The following TGFB2 variants were observed in gnomAD, a reference collection of about 807,000 sequenced individuals.
TGFB2 encodes transforming growth factor beta-2 proprotein.
A neutral mutation model predicts 42.7 loss-of-function variants in TGFB2; 13 were observed. That is an observed-to-expected ratio of 0.30 (90% CI 0.20 to 0.48). TGFB2 has a LOEUF of 0.48. TGFB2 is among the 20% of genes least tolerant of loss of function. The pLI is 0.99. For synonymous variants in TGFB2, 193 were observed against 193.6 expected (o/e 1.00, Z 0.03); for missense variants, 390 against 517.5 (o/e 0.75, Z 2.39).
intron 2 of TGFB2, among the ~76,000 whole-genome samples, chr1:218,431,797 T>C (rs1659814789): frequency 6.6e-6 from 1 of 152,214 alleles, no homozygotes; most frequent in Non-Finnish European, 1.5e-5. Flanking sequence ...TCAACCATTG[T>C]TTTTCTTATT....
At chr1:218,401,577 G>C (rs1174027040) in intron 1 of TGFB2, among the ~76,000 whole-genome samples, 3 of 152,150 alleles carry the variant, frequency 2.0e-5, no homozygotes, top group Non-Finnish European at 2.9e-5. Context: ...AGAAGGAGCG[G>C]GCCAGGATGT....
rs1331585148 is a variant in TGFB2 at position 218,345,762 on chromosome 1, C to G, written c.-940C>G. ...CCGCAGGGGGTGAACGCAACCGCGA[C>G]GGCTGATCGTCTGTGGCTGGGTTGG... On this transcript the variant is annotated 5_prime_UTR_variant, in exon 1 of 7. Coordinates refer to ENST00000366930, the MANE Select transcript of TGFB2 (RefSeq NM_003238.6). The G allele has an allele frequency of 6.6e-6, 1 of 152,378 alleles. No homozygotes were observed. The highest frequency in any genetic ancestry group is 1.5e-5 in the Non-Finnish European group (1 of 68,228). The allele number at this position is 152,378 out of a possible 1,614,324, so 9.4% of individuals were successfully genotyped here.
At chr1:218,426,679 C>T (rs1659635096) in intron 2 of TGFB2, among the ~76,000 whole-genome samples, 1 of 152,078 alleles carries the variant, frequency 6.6e-6, no homozygotes, top group Admixed American at 6.6e-5. Context: ...CTAATTCAAT[C>T]AGAAACAGTT....
chr1:218,349,921 G>A (rs1418554), intron 1 of TGFB2, among the ~76,000 whole-genome samples: 5,155 of 152,234 alleles, frequency 0.034, 285 homozygotes, highest in African/African-American at 0.12. Flanking sequence ...ATTTAAAGAA[G>A]GGGTCTGATT....
At chr1:218,435,246 T>C (rs1659934032) in intron 4 of TGFB2, among the ~76,000 whole-genome samples, 1 of 152,140 alleles carries the variant, frequency 6.6e-6, no homozygotes, top group Non-Finnish European at 1.5e-5. Flanking sequence ...CCCTTGCTCA[T>C]GGAAAAATAC....
At chr1:218,360,821 G>C (rs1657184444) in intron 1 of TGFB2, among the ~76,000 whole-genome samples, 1 of 152,152 alleles carries the variant, frequency 6.6e-6, no homozygotes, top group African/African-American at 2.4e-5. Flanking sequence ...CCATACCTCA[G>C]TGCTGCTTCA....
intron 2 of TGFB2, among the ~76,000 whole-genome samples, chr1:218,415,408 G>A (rs968472334): frequency 1.3e-5 from 2 of 152,076 alleles, no homozygotes; most frequent in Non-Finnish European, 2.9e-5. Context: ...AGTTGCAGAT[G>A]AGCAGGCCGG....
chr1:218,433,632 A>G (rs1056526857), intron 2 of TGFB2, among the ~76,000 whole-genome samples: 1 of 152,246 alleles, frequency 6.6e-6, no homozygotes, highest in Non-Finnish European at 1.5e-5. Flanking sequence ...AAGGAGATTT[A>G]TAATTCAGGG....
chr1:218,441,269 T>G lies in TGFB2; in HGVS notation c.1152T>G (p.Asp384Glu). 6.2e-7 allele frequency: 1 copy of G among 1,613,958 alleles called. No individual in the cohort carries two copies. Among genetic ancestry groups the G allele is most frequent in the Non-Finnish European group, 8.5e-7 (1 of 1,179,962 alleles). Reference sequence around the variant, plus strand: ...CTTCTCCTTGCTGCGTGTCCCAAGATTTAGAACCTCTAACCATTCTCTACT... The same window carrying G: ...CTTCTCCTTGCTGCGTGTCCCAAGAGTTAGAACCTCTAACCATTCTCTACT... The part of the protein sequence containing the change: ...ASASPCCVSQ[D>E]LEPLTILYYI... The change falls in exon 7 of 7, where the codon GAT becomes GAG. Residue 384 changes from aspartate to glutamate, a missense_variant. Coordinates refer to ENST00000366930, the MANE Select transcript of TGFB2 (RefSeq NM_003238.6).
chr1:218,431,225 T>G (rs1659797089), intron 2 of TGFB2, among the ~76,000 whole-genome samples: 1 of 152,160 alleles, frequency 6.6e-6, no homozygotes. Context: ...GAGGATGAGA[T>G]TGTCTGTTTT....
At chr1:218,355,259 A>T (rs1403405834) in intron 1 of TGFB2, among the ~76,000 whole-genome samples, 2 of 152,202 alleles carry the variant, frequency 1.3e-5, no homozygotes, top group African/African-American at 4.8e-5. Context: ...AATTTTATTG[A>T]TAGGGCATTC....
intron 2 of TGFB2, among the ~76,000 whole-genome samples, chr1:218,409,086 G>GCCGCCC (rs1206056570): frequency 6.6e-6 from 1 of 152,120 alleles, no homozygotes; most frequent in Non-Finnish European, 1.5e-5. Flanking sequence ...AGAATCTAAT[G>GCCGCCC]CCGCCGCTAA....
intron 2 of TGFB2, among the ~76,000 whole-genome samples, chr1:218,432,955 A>C (rs1659853783): frequency 6.6e-6 from 1 of 152,204 alleles, no homozygotes; most frequent in Non-Finnish European, 1.5e-5. Flanking sequence ...TTCAAAATAG[A>C]ATTTTTTTAA....
intron 1 of TGFB2, among the ~76,000 whole-genome samples, chr1:218,353,245 C>T (rs1470732672): frequency 6.6e-6 from 1 of 152,206 alleles, no homozygotes; most frequent in East Asian, 1.9e-4. Context: ...GATAGTTCCA[C>T]TCAGTGGATC....
chr1:218,395,163 C>T (rs551170360), intron 1 of TGFB2, among the ~76,000 whole-genome samples: 1 of 152,266 alleles, frequency 6.6e-6, no homozygotes, highest in East Asian at 1.9e-4. Flanking sequence ...GGGGATACCA[C>T]TGAGAACAGC....
intron 1 of TGFB2, among the ~76,000 whole-genome samples, chr1:218,369,523 G>A (rs944000149): frequency 1.2e-4 from 18 of 152,210 alleles, no homozygotes; most frequent in African/African-American, 3.9e-4. Flanking sequence ...TTAGTTATTG[G>A]CAACTCACCC....
intron 1 of TGFB2, among the ~76,000 whole-genome samples, chr1:218,383,062 T>C (rs1025087953): frequency 3.3e-5 from 5 of 152,222 alleles, no homozygotes; most frequent in Non-Finnish European, 4.4e-5. Flanking sequence ...GTTTTTAAAT[T>C]AAACACTAGG....
intron 1 of TGFB2, among the ~76,000 whole-genome samples, chr1:218,353,384 A>G (rs146368492): frequency 1.1e-3 from 174 of 152,298 alleles, no homozygotes; most frequent in African/African-American, 3.1e-3. Flanking sequence ...CAGTTCTCCT[A>G]TGAGAAGGCC....
At chr1:218,386,903 TATC>T (rs1028986732) in intron 1 of TGFB2, among the ~76,000 whole-genome samples, 2 of 152,206 alleles carry the variant, frequency 1.3e-5, no homozygotes, top group African/African-American at 4.8e-5. Flanking sequence ...ATGCTAGTAT[TATC>T]ATATTTTAAA....
Sources: gnomAD v4.1 joint callset for allele counts (sites outside exome capture counted in the v4.1 genomes callset) on GRCh38, gnomAD v4.1.1 for gene constraint, MANE v1.5 for transcripts, NCBI Gene and HGNC (gene_info 2026-07-23, HGNC 2026-07-21) for gene names.